SINHCAF: variants seen among roughly 807,000 people sequenced by gnomAD.
SINHCAF encodes the protein SIN3-HDAC complex associated factor.
SINHCAF carries 3 observed loss-of-function variants against 25.8 expected under a neutral mutation model. That is an observed-to-expected ratio of 0.12 (90% CI 0.05 to 0.30). The LOEUF is 0.30. Ranked by LOEUF, SINHCAF falls within the 10% of genes least tolerant of loss-of-function variation. The pLI is 1.00. For synonymous variants in SINHCAF, 70 were observed against 85.5 expected, an observed-to-expected ratio of 0.82 and a Z score of 1.00; for missense variants, 121 against 262.3, an observed-to-expected ratio of 0.46 and a Z score of 3.72.
chr12:31,317,721 G>A (rs932365577), intron 1 of SINHCAF, among the ~76,000 whole-genome samples: 6 of 151,580 alleles, frequency 4.0e-5, no homozygotes, highest in African/African-American at 2.4e-5. Context: ...CTTCCTCAAA[G>A]ACATACAGAT....
intron 1 of SINHCAF, among the ~76,000 whole-genome samples, chr12:31,314,594 C>A (rs972695073): frequency 6.6e-6 from 1 of 151,500 alleles, no homozygotes; most frequent in African/African-American, 2.4e-5. Flanking sequence ...AGAGGTACTT[C>A]TGAAGATTTT....
At chr12:31,317,613 CTT>C (rs34113007) in intron 1 of SINHCAF, among the ~76,000 whole-genome samples, 10 of 144,328 alleles carry the variant, frequency 6.9e-5, no homozygotes, top group Non-Finnish European at 6.1e-5. Context: ...CTACCTCCTG[CTT>C]TTTTTTTTTT....
chr12:31,303,152 C>T, intron 1 of SINHCAF: 1 of 985,452 alleles, frequency 1.0e-6, no homozygotes, highest in Non-Finnish European at 1.2e-6. Context: ...ACTGACATAG[C>T]TGCCTTTGCA....
chr12:31,286,662 C>CA (rs999169211), intron 5 of SINHCAF, among the ~76,000 whole-genome samples: 2,883 of 54,840 alleles, frequency 0.053, 52 homozygotes, highest in East Asian at 0.1. Context: ...AACTCCGTCT[C>CA]AAAAAAAAAA....
intron 2 of SINHCAF, chr12:31,296,937 A>G (rs768375625): frequency 9.7e-6 from 4 of 413,996 alleles, no homozygotes; most frequent in South Asian, 7.1e-5. Context: ...CGAGAGGCTC[A>G]GACGGGAGGA....
At chr12:31,323,234 C>A (rs1219222287) in intron 1 of SINHCAF, among the ~76,000 whole-genome samples, 1 of 152,158 alleles carries the variant, frequency 6.6e-6, no homozygotes, top group Non-Finnish European at 1.5e-5. Flanking sequence ...ACTTTAAATG[C>A]CATGAGGGTT....
rs192174623 is a variant in SINHCAF, at chr12:31,318,386, C to A, written c.-21+7638G>T. Reference sequence around the variant, plus strand: ...TAGAATAAAACTGAGAAAGGGGTAGCAGACCCCACTTGTTTGCCAACAGCC... The same window carrying A: ...TAGAATAAAACTGAGAAAGGGGTAGAAGACCCCACTTGTTTGCCAACAGCC... On this transcript the variant is annotated intron_variant, in intron 1 of 5. Transcript: ENST00000337682. Among the ~76,000 whole-genome samples, 4 of 152,278 alleles carry A rather than the reference C, an allele frequency of 2.6e-5. No individual in the cohort carries two copies. In the East Asian group the frequency reaches 7.7e-4, roughly 29 times the overall value.
intron 1 of SINHCAF, chr12:31,311,519 C>T (rs1296247154): frequency 9.2e-6 from 2 of 217,378 alleles, no homozygotes; most frequent in Non-Finnish European, 1.8e-5. Context: ...CCAGGCAGGC[C>T]GGGCACACAC....
chr12:31,311,767 A>G (rs755511268), intron 1 of SINHCAF: 10 of 500,598 alleles, frequency 2.0e-5, no homozygotes, highest in Non-Finnish European at 7.8e-6. Context: ...TTCTGGAGAA[A>G]GCCAGCCTAA....
intron 1 of SINHCAF, among the ~76,000 whole-genome samples, chr12:31,312,890 T>G (rs2137123522): frequency 6.6e-6 from 1 of 152,360 alleles, no homozygotes; most frequent in East Asian, 1.9e-4. Flanking sequence ...TTGTTTTCCT[T>G]TCAAATTTAG....
chr12:31,320,462 C>T (rs973418125), intron 1 of SINHCAF, among the ~76,000 whole-genome samples: 9 of 152,182 alleles, frequency 5.9e-5, no homozygotes, highest in African/African-American at 2.2e-4. Context: ...ATTATCTCCT[C>T]TACTCAATAG....
chr12:31,319,930 A>G (rs1431049849), intron 1 of SINHCAF, among the ~76,000 whole-genome samples: 1 of 152,176 alleles, frequency 6.6e-6, no homozygotes, highest in Non-Finnish European at 1.5e-5. Context: ...TCACACAAAA[A>G]CAACTTGGAA....
intron 1 of SINHCAF, chr12:31,303,273 CA>C: frequency 2.1e-6 from 2 of 941,208 alleles, no homozygotes; most frequent in Non-Finnish European, 2.5e-6. Flanking sequence ...TTAGAGAACA[CA>C]AATGATCATA....
intron 4 of SINHCAF, among the ~76,000 whole-genome samples, chr12:31,292,161 C>T (rs1938355613): frequency 6.6e-6 from 1 of 152,132 alleles, no homozygotes; most frequent in Admixed American, 6.5e-5. Context: ...GTTCCTCGGC[C>T]TTCAAGTGAT....
intron 4 of SINHCAF, among the ~76,000 whole-genome samples, chr12:31,290,316 A>T (rs549396001): frequency 6.6e-6 from 1 of 151,808 alleles, no homozygotes; most frequent in East Asian, 1.9e-4. Flanking sequence ...TAATTTTTTT[A>T]TATTTTTAGT....
intron 4 of SINHCAF, 56 bp from the exon 5 acceptor site, chr12:31,287,840 C>A: frequency 7.6e-7 from 1 of 1,311,940 alleles, no homozygotes; most frequent in Non-Finnish European, 1.1e-6. Flanking sequence ...CATGTAATTG[C>A]AACTAAACCT....
chr12:31,304,089 C>T (rs894651356), intron 1 of SINHCAF: 3 of 133,520 alleles, frequency 2.2e-5, no homozygotes, highest in Admixed American at 1.7e-4. Context: ...CACCACACTA[C>T]AACCTAGGCG....
At chr12:31,287,975 A>C (rs1938147510) in intron 4 of SINHCAF, among the ~76,000 whole-genome samples, 191 bp from the exon 5 acceptor site, 2 of 152,212 alleles carry the variant, frequency 1.3e-5, no homozygotes, top group Admixed American at 1.3e-4. Context: ...AAGAAGATGG[A>C]ATAGACATAC....
chr12:31,289,986 G>C (rs1007129609), intron 4 of SINHCAF, among the ~76,000 whole-genome samples: 1 of 151,458 alleles, frequency 6.6e-6, no homozygotes, highest in South Asian at 2.1e-4. Flanking sequence ...CACCACACTC[G>C]GCTGGTTATT....
Sources: gnomAD v4.1 joint callset for allele counts (sites outside exome capture counted in the v4.1 genomes callset) on GRCh38, gnomAD v4.1.1 for gene constraint, MANE v1.5 for transcripts, NCBI Gene and HGNC (gene_info 2026-07-23, HGNC 2026-07-21) for gene names.